The following FAR2 variants were observed in gnomAD, a reference collection of about 807,000 sequenced individuals.
The protein encoded by FAR2 is fatty acyl-CoA reductase 2.
FAR2 carries 19 observed loss-of-function variants against 56.0 expected under a neutral mutation model. That is an observed-to-expected ratio of 0.34 (90% CI 0.24 to 0.50). FAR2 has a LOEUF of 0.50. Ranked by LOEUF, FAR2 falls within the 20% of genes least tolerant of loss-of-function variation. The pLI is 0.98. For missense variants in FAR2, 508 were observed against 642.2 expected, an observed-to-expected ratio of 0.79 and a Z score of 2.26; for synonymous variants, 219 against 218.8, an observed-to-expected ratio of 1.00 and a Z score of -0.01.
chr12:29,183,888 G>A (rs116949917), intron 1 of FAR2, among the ~76,000 whole-genome samples: 4,055 of 152,158 alleles, frequency 0.027, 65 homozygotes, highest in Middle Eastern at 0.075. Flanking sequence ...TTTACTAGAT[G>A]CCTTCAGATT....
intron 1 of FAR2, among the ~76,000 whole-genome samples, chr12:29,189,489 A>G (rs934627950): frequency 3.2e-4 from 48 of 152,126 alleles, no homozygotes; most frequent in African/African-American, 1.1e-3. Flanking sequence ...CCATTTCTCC[A>G]AGGACTCTGG....
chr12:29,188,991 T>C (rs1950073733), intron 1 of FAR2, among the ~76,000 whole-genome samples: 3 of 152,166 alleles, frequency 2.0e-5, no homozygotes, highest in South Asian at 4.1e-4. Context: ...CTGGAGATGT[T>C]AACCTTCATC....
chr12:29,198,334 T>C (rs1950158306), intron 1 of FAR2, among the ~76,000 whole-genome samples: 1 of 152,188 alleles, frequency 6.6e-6, no homozygotes, highest in African/African-American at 2.4e-5. Flanking sequence ...GTTCATGCCA[T>C]TCTCCTGCCT....
Position 29,289,194 on chromosome 12 carries a change from C to G in FAR2, c.190-4106C>G, listed in dbSNP as rs573003424. The stretch of plus-strand genomic sequence containing the variant: ...TTCATAGAAATAGAAAAAAACAATC[C>G]TAAAATTTATTTGGAACCGCAAAAG... On this transcript the variant is annotated intron_variant, in intron 2 of 11. Coordinates refer to ENST00000536681, the MANE Select transcript of FAR2 (RefSeq NM_001271783.2). Among the ~76,000 whole-genome samples, 3 of 152,090 alleles carry G rather than the reference C, an allele frequency of 2.0e-5. No individual in the cohort carries two copies. In the South Asian group the frequency reaches 6.2e-4, roughly 32 times the overall value.
chr12:29,165,475 A>C (rs1949817454), intron 1 of FAR2, among the ~76,000 whole-genome samples: 1 of 152,214 alleles, frequency 6.6e-6, no homozygotes, highest in Non-Finnish European at 1.5e-5. Flanking sequence ...AATTAACATA[A>C]AAATATAGTT....
chr12:29,239,889 T>A (rs1159127096), intron 1 of FAR2, among the ~76,000 whole-genome samples: 1 of 152,194 alleles, frequency 6.6e-6, no homozygotes, highest in Non-Finnish European at 1.5e-5. Flanking sequence ...TAGCTTTCCA[T>A]GTTTTAAAAC....
At chr12:29,162,080 T>C (rs942801710) in intron 1 of FAR2, among the ~76,000 whole-genome samples, 3 of 152,232 alleles carry the variant, frequency 2.0e-5, no homozygotes, top group Admixed American at 6.5e-5. Context: ...CCTGGCCTTT[T>C]TGCTCTTTTT....
chr12:29,324,622 A>G (rs1290533087), intron 10 of FAR2, among the ~76,000 whole-genome samples: 1 of 152,228 alleles, frequency 6.6e-6, no homozygotes. Context: ...AGAATTTTCA[A>G]CCCAGAATTT....
chr12:29,167,350 C>T (rs943873600), intron 1 of FAR2, among the ~76,000 whole-genome samples: 2 of 152,164 alleles, frequency 1.3e-5, no homozygotes, highest in Non-Finnish European at 2.9e-5. Flanking sequence ...AGATCTGTCT[C>T]TGGTTCTGCT....
intron 1 of FAR2, among the ~76,000 whole-genome samples, chr12:29,204,019 A>AAAAAAAAAG (rs1565469976): frequency 8.2e-6 from 1 of 122,434 alleles, no homozygotes. Context: ...AAAAAAAAAA[A>AAAAAAAAAG]AAAAGAAAAT....
chr12:29,327,504 T>C (rs1017605954), intron 10 of FAR2, among the ~76,000 whole-genome samples: 1 of 152,100 alleles, frequency 6.6e-6, no homozygotes, highest in Admixed American at 6.5e-5. Context: ...CTTCAAACTA[T>C]ACTACAAGGC....
chr12:29,155,059 T>G (rs1949715846), intron 1 of FAR2, among the ~76,000 whole-genome samples: 1 of 152,212 alleles, frequency 6.6e-6, no homozygotes, highest in African/African-American at 2.4e-5. Context: ...CCCTGCTCTG[T>G]GGATGATATT....
chr12:29,278,502 G>T (rs1232387069), intron 2 of FAR2, among the ~76,000 whole-genome samples: 1 of 148,586 alleles, frequency 6.7e-6, no homozygotes, highest in Non-Finnish European at 1.5e-5. Context: ...ACCATGCCCA[G>T]CTATTGTTTT....
intron 1 of FAR2, among the ~76,000 whole-genome samples, chr12:29,166,550 A>G (rs144957069): frequency 7.2e-4 from 109 of 152,370 alleles, no homozygotes; most frequent in South Asian, 5.0e-3. Context: ...GATATTTATC[A>G]AATATGTGGC....
At chr12:29,330,439 G>C (rs1441892803) in intron 10 of FAR2, among the ~76,000 whole-genome samples, 4 of 152,144 alleles carry the variant, frequency 2.6e-5, no homozygotes, top group African/African-American at 7.2e-5. Context: ...TATGCACAAT[G>C]AATCAGCAAA....
chr12:29,181,967 C>T, intron 1 of FAR2, among the ~76,000 whole-genome samples: 1 of 152,204 alleles, frequency 6.6e-6, no homozygotes, highest in East Asian at 1.9e-4. Context: ...ACAGATTATA[C>T]CTAGATAGTT....
chr12:29,273,674 G>A (rs116789485), intron 2 of FAR2, among the ~76,000 whole-genome samples: 8,389 of 152,274 alleles, frequency 0.055, 526 homozygotes, highest in African/African-American at 0.15. Flanking sequence ...GCCAGGGCTC[G>A]TCGCCCCTCT....
intron 2 of FAR2, chr12:29,292,224 A>C (rs1461733156): frequency 1.3e-5 from 2 of 152,202 alleles, no homozygotes; most frequent in African/African-American, 2.4e-5. Flanking sequence ...CATCATATGT[A>C]AGGAACCCCA....
At position 29,269,712 on chromosome 12, in the gene FAR2, T is replaced by C. The variant is rs183438283; in HGVS notation, c.-38-700T>C. Among the ~76,000 whole-genome samples the C allele has an allele frequency of 9.8e-5, 15 of 152,358 alleles. No individual in the cohort carries two copies. The East Asian group carries it at 2.9e-3, about 29-fold the overall frequency. ...GAAATCTTCACAATCCACGTTCTTC[T>C]GCCATGGCTTCAGCCGGTCCCTCTG... On this transcript the variant is annotated intron_variant, in intron 1 of 11. Coordinates refer to ENST00000536681, the MANE Select transcript of FAR2 (RefSeq NM_001271783.2).
Sources: gnomAD v4.1 joint callset for allele counts (sites outside exome capture counted in the v4.1 genomes callset) on GRCh38, gnomAD v4.1.1 for gene constraint, MANE v1.5 for transcripts, NCBI Gene and HGNC (gene_info 2026-07-23, HGNC 2026-07-21) for gene names.